Variants in CCDC144A observed in about 807,000 individuals in gnomAD.
CCDC144A encodes coiled-coil domain-containing protein 144A.
In CCDC144A, 41 loss-of-function variants were observed where a neutral mutation model predicts 143.8. The observed-to-expected ratio is 0.29, with a 90% CI of 0.22 to 0.37. CCDC144A has a LOEUF of 0.37. Among genes scored for constraint, CCDC144A ranks in the 10% least tolerant of loss-of-function variants. The pLI, the probability that CCDC144A is intolerant of heterozygous loss-of-function variation, is 1.00. For missense variants in CCDC144A, 637 were observed against 1,488.8 expected (o/e 0.43, Z 9.41); for synonymous variants, 242 against 517.9 (o/e 0.47, Z 7.23).
intron 15 of CCDC144A, among the ~76,000 whole-genome samples, chr17:16,771,146 T>G (rs1915811367): frequency 6.6e-6 from 1 of 152,260 alleles, no homozygotes; most frequent in Non-Finnish European, 1.5e-5. Context: ...ATAGGGACAC[T>G]GGCAATAAGT....
Position 16,711,902 on chromosome 17 carries a change from G to A in CCDC144A, c.1715+87G>A, listed in dbSNP as rs547847079. 1.0e-4 allele frequency: 151 copies of A among 1,480,554 alleles called. No individual in the cohort carries two copies. The Admixed American group carries it at 2.6e-3, about 25-fold the overall frequency. 91.7% of individuals were successfully genotyped at this position (1,480,554 alleles called of 1,614,324 possible). On this transcript the variant is annotated intron_variant, in intron 6 of 16. Transcript: ENST00000399273. ...ATCCAGCAATTTGGGAGGCCAAGGC[G>A]GGTGAATCACCTGAGGTCAGGAGTT...
At chr17:16,741,031 A>AT (rs1247938547) in intron 12 of CCDC144A, among the ~76,000 whole-genome samples, 14 of 151,114 alleles carry the variant, frequency 9.3e-5, no homozygotes, top group African/African-American at 3.2e-4. Flanking sequence ...GCTGCTTCCC[A>AT]TTAGAGTTGT....
the CCDC144A span, among the ~76,000 whole-genome samples, chr17:16,676,404 G>A: frequency 6.6e-6 from 1 of 151,502 alleles, no homozygotes; most frequent in Non-Finnish European, 1.5e-5. Context: ...CCAGCTACTC[G>A]GGAGGCTGAG....
chr17:16,711,147 AAAAAAAAAAAAC>A (rs1488793045), intron 5 of CCDC144A, among the ~76,000 whole-genome samples: 4 of 140,222 alleles, frequency 2.9e-5, no homozygotes, highest in Admixed American at 1.5e-4. Flanking sequence ...AAAAAAAAAA[AAAAAAAAAAAAC>A]AAAAGTTAGT....
At chr17:16,683,414 C>A in the CCDC144A span, 9 of 932,132 alleles carry the variant, frequency 9.7e-6, no homozygotes, top group Non-Finnish European at 1.5e-5. Context: ...AGTCAAAATG[C>A]TTCCTGGTGC....
At position 16,690,695 on chromosome 17, in the gene CCDC144A, A is replaced by G. The variant is rs749432400; in HGVS notation, c.295A>G (p.Ile99Val). 3.4e-5 allele frequency: 55 copies of G among 1,613,456 alleles called. No individual in the cohort carries two copies. The highest frequency in any genetic ancestry group is 3.3e-4 in the Middle Eastern group (2 of 6,062). Residue 99 changes from isoleucine (I) to valine (V), a missense_variant, in exon 1 of 17, where the codon ATC becomes GTC. By Grantham distance (29) the Ile-to-Val change is conservative. Coordinates refer to ENST00000399273, the MANE Select transcript of CCDC144A (RefSeq NM_001382000.1). ...GGGCGACGTCCCTGGGGTGGAGCAC[A>G]TCTTAGCTCCTGGAGACACTGGCGT... ...RSGDVPGVEHILAPGDTGVDK... is the reference protein window; with the variant it reads ...RSGDVPGVEHVLAPGDTGVDK...
rs1915943088 is a variant in CCDC144A, at chr17:16,774,643, ATCT to A, written c.*1014_*1016del. The A allele has an allele frequency of 7.3e-6, 1 of 137,148 alleles. No homozygotes were observed. The highest frequency in any genetic ancestry group is 7.3e-5 in the Admixed American group (1 of 13,730). The allele number at this position is 137,148 out of a possible 1,614,324, so 8.5% of individuals were successfully genotyped here. On this transcript the variant is annotated 3_prime_UTR_variant, in exon 17 of 17. Coordinates refer to ENST00000399273, the MANE Select transcript of CCDC144A (RefSeq NM_001382000.1). ...AGAGTATCACAGAAGTTATCCCATG[ATCT>A]TCTCACTGCATTCTATCAGGTGACC...
At position 16,777,866 on chromosome 17, in the gene CCDC144A, A is replaced by G. The variant is rs1916052220; in HGVS notation, c.*4233A>G. On this transcript the variant is annotated 3_prime_UTR_variant, in exon 17 of 17. Transcript: ENST00000399273. ...GAAGAAAAGAAATAACAAAATCAGA[A>G]CAAAACTAAATGAAATTGAAACAAA... 1 of 144,344 alleles carries G rather than the reference A, an allele frequency of 6.9e-6. No homozygotes were observed. The highest frequency in any genetic ancestry group is 2.3e-4 in the South Asian group (1 of 4,422). The allele number at this position is 144,344 out of a possible 1,614,324, so 8.9% of individuals were successfully genotyped here.
the CCDC144A span, chr17:16,683,802 C>A: frequency 1.4e-6 from 2 of 1,447,442 alleles, no homozygotes; most frequent in Non-Finnish European, 1.9e-6. Flanking sequence ...AGCGTGAAGC[C>A]GAGCGTGAAG....
chr17:16,763,314 G>T (rs570109551), intron 14 of CCDC144A, among the ~76,000 whole-genome samples: 208 of 151,328 alleles, frequency 1.4e-3, no homozygotes, highest in Non-Finnish European at 2.7e-3. Flanking sequence ...AGGAAAAGTC[G>T]CCGTGAATGA....
At chr17:16,696,807 C>T (rs1398248612) in intron 2 of CCDC144A, among the ~76,000 whole-genome samples, 11 of 151,912 alleles carry the variant, frequency 7.2e-5, no homozygotes, top group African/African-American at 2.2e-4. Flanking sequence ...AGTGATAACA[C>T]GGTGTTTTGT....
intron 5 of CCDC144A, 107 bp from the exon 6 acceptor site, chr17:16,711,572 A>G: frequency 2.6e-6 from 4 of 1,537,080 alleles, no homozygotes; most frequent in Non-Finnish European, 2.7e-6. Flanking sequence ...GACTGAAATT[A>G]TAATTAAACT....
chr17:16,722,732 A>G (rs1436407575), intron 8 of CCDC144A, among the ~76,000 whole-genome samples: 2 of 151,976 alleles, frequency 1.3e-5, no homozygotes, highest in Admixed American at 6.6e-5. Context: ...TACTGTGTCT[A>G]TGGTTTTGCC....
the CCDC144A span, among the ~76,000 whole-genome samples, chr17:16,676,027 C>A: frequency 1.3e-5 from 2 of 151,974 alleles, no homozygotes; most frequent in Non-Finnish European, 2.9e-5. Context: ...GGATTACAGG[C>A]ATGAGCCACT....
the CCDC144A span, chr17:16,683,645 C>G: frequency 6.0e-5 from 97 of 1,610,310 alleles, 2 homozygotes; most frequent in South Asian, 1.1e-3. Context: ...GGGACTTTGT[C>G]AGGAAATCTG....
At chr17:16,714,831 T>G (rs1357786655) in intron 6 of CCDC144A, among the ~76,000 whole-genome samples, 1 of 151,844 alleles carries the variant, frequency 6.6e-6, no homozygotes, top group Non-Finnish European at 1.5e-5. Context: ...CTCTCTCACT[T>G]AAACTTCTGT....
chr17:16,716,575 T>C (rs1305519562), intron 6 of CCDC144A, among the ~76,000 whole-genome samples: 2 of 152,252 alleles, frequency 1.3e-5, no homozygotes, highest in Admixed American at 1.3e-4. Context: ...AGAATATTGC[T>C]ATTTTTGAAC....
intron 8 of CCDC144A, among the ~76,000 whole-genome samples, chr17:16,724,303 T>C (rs1177141757): frequency 6.6e-6 from 1 of 151,954 alleles, no homozygotes; most frequent in East Asian, 1.9e-4. Flanking sequence ...TTTGGGAGGC[T>C]GAGGCGGATG....
In CCDC144A at chr17:16,713,444, T is replaced by C. The variant is rs1170018930; in HGVS notation, c.1715+1629T>C. On this transcript the variant is annotated intron_variant, in intron 6 of 16. Coordinates refer to ENST00000399273, the MANE Select transcript of CCDC144A (RefSeq NM_001382000.1). ...TTCATATAATTTAGACAAATTTGAT[T>C]TACAAAATAAGATTATTTTCTGCAC... Among the ~76,000 whole-genome samples, 3 of 152,228 alleles carry C rather than the reference T, an allele frequency of 2.0e-5. No individual in the cohort carries two copies. In the East Asian group the frequency reaches 5.8e-4, roughly 29 times the overall value.
Sources: allele counts gnomAD v4.1 joint callset (sites outside exome capture counted in the v4.1 genomes callset), GRCh38; gene constraint gnomAD v4.1.1; transcripts MANE v1.5; gene names NCBI Gene and HGNC (gene_info 2026-07-23, HGNC 2026-07-21).